IFT80: variants seen among roughly 807,000 people sequenced by gnomAD.
The protein encoded by IFT80 is intraflagellar transport 80.
A neutral mutation model predicts 107.9 loss-of-function variants in IFT80; 79 were observed. The observed-to-expected ratio is 0.73, with a 90% CI of 0.61 to 0.88. The LOEUF (loss-of-function observed/expected upper bound fraction) is 0.88, where lower values mean the gene tolerates loss of function less well. IFT80 is among the 40% of genes least tolerant of loss of function. The probability of loss-of-function intolerance (pLI) is 0.00; values close to 1 mark genes in which losing one functional copy is unlikely to be tolerated. For missense variants in IFT80, 797 were observed against 914.2 expected, an observed-to-expected ratio of 0.87 and a Z score of 1.65; for synonymous variants, 299 against 300.9, an observed-to-expected ratio of 0.99 and a Z score of 0.07.
chr3:160,280,792 T>C lies in IFT80; in HGVS notation c.1539A>G (p.Ala513=). 1 of 1,613,238 alleles carries C rather than the reference T, an allele frequency of 6.2e-7. No individual in the cohort carries two copies. The highest frequency in any genetic ancestry group is 2.2e-5 in the East Asian group (1 of 44,796). ...IKLGTMVHTL[A]WNDTCNILCG... ...AAAGGATATTGCATGTATCGTTCCA[T>C]GCCAAAGTATGCACCATTGTTCCTT... Residue 513 remains alanine, a synonymous_variant, in exon 15 of 20, where the codon GCA becomes GCG. Coordinates refer to ENST00000326448, the MANE Select transcript of IFT80 (RefSeq NM_020800.3).
At chr3:160,380,273 A>G (rs889755930) in intron 3 of IFT80, among the ~76,000 whole-genome samples, 14 of 151,812 alleles carry the variant, frequency 9.2e-5, no homozygotes, top group African/African-American at 3.1e-4. Context: ...CTGACCTCAA[A>G]TGATGCGCCC....
At chr3:160,299,203 G>T in intron 12 of IFT80, 2 of 1,111,104 alleles carry the variant, frequency 1.8e-6, no homozygotes, top group South Asian at 2.2e-5. Context: ...ATTCCATTCT[G>T]TTTTCCTCTT....
chr3:160,303,883 C>T (rs777016433), intron 11 of IFT80, 32 bp downstream of exon 11: 19 of 1,386,908 alleles, frequency 1.4e-5, no homozygotes, highest in Non-Finnish European at 1.7e-5. Flanking sequence ...TTATTTTAAC[C>T]CCAGATCCAG....
At chr3:160,273,913 A>T (rs2108219579) in intron 18 of IFT80, among the ~76,000 whole-genome samples, 1 of 152,294 alleles carries the variant, frequency 6.6e-6, no homozygotes, top group Non-Finnish European at 1.5e-5. Context: ...ACACATGAAA[A>T]GGAGATGCCA....
chr3:160,269,405 A>G (rs916107087), intron 18 of IFT80, among the ~76,000 whole-genome samples: 1 of 152,176 alleles, frequency 6.6e-6, no homozygotes, highest in Non-Finnish European at 1.5e-5. Context: ...TATGAAAATA[A>G]CAAATTGAGG....
chr3:160,300,164 C>T (rs908899310), intron 12 of IFT80, among the ~76,000 whole-genome samples: 27 of 152,098 alleles, frequency 1.8e-4, no homozygotes, highest in Admixed American at 7.2e-4. Flanking sequence ...TTCTTCATAG[C>T]ATGTATCATT....
intron 12 of IFT80, among the ~76,000 whole-genome samples, chr3:160,286,301 C>T (rs1715085592): frequency 6.6e-6 from 1 of 152,196 alleles, no homozygotes; most frequent in African/African-American, 2.4e-5. Flanking sequence ...TATTAGCTTG[C>T]ATGGGGGAGA....
At chr3:160,353,870 A>G (rs1353307658) in intron 8 of IFT80, among the ~76,000 whole-genome samples, 1 of 152,212 alleles carries the variant, frequency 6.6e-6, no homozygotes, top group Non-Finnish European at 1.5e-5. Flanking sequence ...ATGTCTATTA[A>G]ATAAAAGATA....
At chr3:160,397,311 T>A (rs1051038706) in intron 1 of IFT80, among the ~76,000 whole-genome samples, 4 of 152,228 alleles carry the variant, frequency 2.6e-5, no homozygotes, top group African/African-American at 9.7e-5. Flanking sequence ...TTATTCTTCC[T>A]ATATTTACCA....
intron 12 of IFT80, among the ~76,000 whole-genome samples, chr3:160,289,946 A>C (rs1002641657): frequency 6.6e-6 from 1 of 152,176 alleles, no homozygotes; most frequent in African/African-American, 2.4e-5. Flanking sequence ...AGGAGACTAC[A>C]ATTAAATTGA....
chr3:160,389,352 T>A (rs968073257), intron 1 of IFT80, among the ~76,000 whole-genome samples: 2 of 152,152 alleles, frequency 1.3e-5, no homozygotes. Flanking sequence ...TATTATACTT[T>A]AAGTTTTAGG....
intron 8 of IFT80, among the ~76,000 whole-genome samples, chr3:160,349,303 G>A (rs980318056): frequency 6.6e-6 from 1 of 151,994 alleles, no homozygotes; most frequent in Non-Finnish European, 1.5e-5. Context: ...GCAAAAATTC[G>A]CTGGGTACTG....
intron 4 of IFT80, among the ~76,000 whole-genome samples, chr3:160,376,905 C>G (rs776624149): frequency 6.6e-6 from 1 of 152,134 alleles, no homozygotes; most frequent in African/African-American, 2.4e-5. Context: ...ATATGACTGC[C>G]GCCGCATCCA....
At chr3:160,301,288 A>T (rs1383251181) in intron 11 of IFT80, among the ~76,000 whole-genome samples, 1 of 151,930 alleles carries the variant, frequency 6.6e-6, no homozygotes, top group Non-Finnish European at 1.5e-5. Flanking sequence ...GTCCATAATC[A>T]CCACCCTATA....
intron 12 of IFT80, among the ~76,000 whole-genome samples, chr3:160,296,748 T>C (rs931076257): frequency 6.6e-6 from 1 of 152,174 alleles, no homozygotes; most frequent in Non-Finnish European, 1.5e-5. Context: ...GACCCATATA[T>C]TGCCAAATCA....
At chr3:160,327,113 A>C (rs974325847) in intron 8 of IFT80, among the ~76,000 whole-genome samples, 1 of 152,154 alleles carries the variant, frequency 6.6e-6, no homozygotes, top group Non-Finnish European at 1.5e-5. Flanking sequence ...GAATACAGCT[A>C]ACAAGGGAAG....
At position 160,268,540 on chromosome 3, in the gene IFT80, T is replaced by C. The variant is rs774644990; in HGVS notation, c.2100-4A>G. On this transcript the variant is annotated splice_polypyrimidine_tract_variant and splice_region_variant and intron_variant, in intron 18 of 19. Coordinates refer to ENST00000326448, the MANE Select transcript of IFT80 (RefSeq NM_020800.3). The stretch of plus-strand genomic sequence containing the variant: ...TTTTACAGCCAATTCCAGTGCCCTA[T>C]AATGAGAAATAAAACAGATTATTAA... 1 of 1,612,552 alleles carries C rather than the reference T, an allele frequency of 6.2e-7. No homozygotes were observed. Among genetic ancestry groups the C allele is most frequent in the East Asian group, 2.2e-5 (1 of 44,774 alleles).
intron 8 of IFT80, among the ~76,000 whole-genome samples, chr3:160,331,668 A>AT (rs11418097): frequency 0.52 from 78,757 of 150,148 alleles, 20,968 homozygotes; most frequent in African/African-American, 0.56. Context: ...TACCCTTGTA[A>AT]TTTTTTTTTT....
intron 5 of IFT80, among the ~76,000 whole-genome samples, chr3:160,375,531 TG>T (rs1286700858): frequency 2.0e-5 from 3 of 152,118 alleles, no homozygotes; most frequent in Non-Finnish European, 4.4e-5. Flanking sequence ...AATTATTTTT[TG>T]AAAATATTTA....
Sources: gnomAD v4.1 joint callset for allele counts (sites outside exome capture counted in the v4.1 genomes callset) on GRCh38, gnomAD v4.1.1 for gene constraint, MANE v1.5 for transcripts, NCBI Gene and HGNC (gene_info 2026-07-23, HGNC 2026-07-21) for gene names.